The following DYRK1A variants were observed in gnomAD, a reference collection of about 807,000 sequenced individuals.
DYRK1A encodes the protein dual specificity tyrosine-phosphorylation-regulated kinase 1A.
DYRK1A carries 9 observed loss-of-function variants against 79.7 expected under a neutral mutation model. The ratio of observed to expected loss-of-function variants is 0.11; its 90% confidence interval spans 0.07 to 0.20. The LOEUF (loss-of-function observed/expected upper bound fraction) is 0.20. DYRK1A is among the 10% of genes least tolerant of loss of function. The pLI is 1.00. For synonymous variants in DYRK1A, 349 were observed against 329.7 expected, an observed-to-expected ratio of 1.06 and a Z score of -0.63; for missense variants, 622 against 956.0, an observed-to-expected ratio of 0.65 and a Z score of 4.61.
At chr21:37,398,267 T>G (rs2049994515) in intron 1 of DYRK1A, among the ~76,000 whole-genome samples, 1 of 151,418 alleles carries the variant, frequency 6.6e-6, no homozygotes, top group South Asian at 2.1e-4. Context: ...GAGTCCAGTC[T>G]TGAGTCCAGG....
intron 1 of DYRK1A, among the ~76,000 whole-genome samples, chr21:37,406,793 A>G (rs1254491361): frequency 6.8e-6 from 1 of 147,880 alleles, no homozygotes; most frequent in Non-Finnish European, 1.5e-5. Flanking sequence ...ATCTCTATAT[A>G]TGTATATAAT....
upstream of DYRK1A, chr21:37,365,660 G>A (rs937289538): frequency 6.6e-6 from 1 of 152,246 alleles, no homozygotes; most frequent in Non-Finnish European, 1.5e-5. Flanking sequence ...GCGAAAGCCA[G>A]GATATTAATA....
chr21:37,407,638 T>A (rs1602422644), intron 1 of DYRK1A, among the ~76,000 whole-genome samples: 1 of 152,320 alleles, frequency 6.6e-6, no homozygotes, highest in East Asian at 1.9e-4. Context: ...AAATTGAAAA[T>A]CTCTTAGCTC....
chr21:37,365,890 A>G (rs2049292206), upstream of DYRK1A: 2 of 152,174 alleles, frequency 1.3e-5, 1 homozygote, highest in Admixed American at 1.3e-4. Context: ...ACTGCCTGAA[A>G]AAGTTTTCAT....
chr21:37,421,120 CATATTATA>C (rs2050463116), intron 2 of DYRK1A, among the ~76,000 whole-genome samples: 1 of 152,016 alleles, frequency 6.6e-6, no homozygotes, highest in Non-Finnish European at 1.5e-5. Context: ...TTAAATTAGG[CATATTATA>C]AGGCATTTTG....
intron 1 of DYRK1A, among the ~76,000 whole-genome samples, chr21:37,371,760 T>C (rs1326044864): frequency 2.0e-5 from 3 of 152,134 alleles, no homozygotes; most frequent in East Asian, 1.9e-4. Flanking sequence ...TATCTCCCCA[T>C]GTTAGAAAAG....
chr21:37,457,037 C>CTTATTTATTTATTTAT (rs57947572), intron 2 of DYRK1A, among the ~76,000 whole-genome samples: 6 of 59,250 alleles, frequency 1.0e-4, no homozygotes, highest in South Asian at 5.3e-4. Flanking sequence ...TACTTACTTA[C>CTTATTTATTTATTTAT]TTATTTATTT....
At chr21:37,497,861 A>G (rs928383588) in intron 9 of DYRK1A, among the ~76,000 whole-genome samples, 1 of 152,208 alleles carries the variant, frequency 6.6e-6, no homozygotes, top group Non-Finnish European at 1.5e-5. Flanking sequence ...ATACATGTGA[A>G]TTAACTAGAT....
chr21:37,508,137 C>G (rs560892977), intron 11 of DYRK1A, among the ~76,000 whole-genome samples: 1 of 152,156 alleles, frequency 6.6e-6, no homozygotes, highest in African/African-American at 2.4e-5. Flanking sequence ...CATCTTAATA[C>G]GTTTTTATTC....
intron 1 of DYRK1A, among the ~76,000 whole-genome samples, chr21:37,381,116 C>T (rs1409447367): frequency 6.6e-6 from 1 of 152,116 alleles, no homozygotes; most frequent in Non-Finnish European, 1.5e-5. Flanking sequence ...TGGCAGGGTG[C>T]TTGGCACATA....
At chr21:37,491,469 A>G (rs1227193373) in intron 7 of DYRK1A, among the ~76,000 whole-genome samples, 1 of 152,110 alleles carries the variant, frequency 6.6e-6, no homozygotes, top group Non-Finnish European at 1.5e-5. Flanking sequence ...TATTTTTCCA[A>G]ATTAGTGAAA....
chr21:37,520,470 C>T lies in DYRK1A; in HGVS notation c.*7939C>T, dbSNP rs940268708. Reference sequence around the variant, plus strand: ...TGTTGATAATATTAGGTGACTACATCGAGCCTGGGTTCTCTCAGTATTAGC... The same window carrying T: ...TGTTGATAATATTAGGTGACTACATTGAGCCTGGGTTCTCTCAGTATTAGC... On this transcript the variant is annotated 3_prime_UTR_variant, in exon 12 of 12. Transcript: ENST00000647188. 6.6e-6 allele frequency: 1 copy of T among 152,122 alleles called. No individual in the cohort carries two copies. Among genetic ancestry groups the T allele is most frequent in the East Asian group, 1.9e-4 (1 of 5,188 alleles). The allele number at this position is 152,122 out of a possible 1,614,324, so 9.4% of individuals were successfully genotyped here. A position where few individuals can be genotyped will look rare whatever the true frequency, so the allele number is the denominator to read the frequency against.
intron 2 of DYRK1A, among the ~76,000 whole-genome samples, chr21:37,467,365 G>A (rs181969815): frequency 6.6e-6 from 1 of 152,264 alleles, no homozygotes; most frequent in Non-Finnish European, 1.5e-5. Context: ...GAGTAACTGG[G>A]ACCATAGGCA....
intron 1 of DYRK1A, among the ~76,000 whole-genome samples, chr21:37,383,209 G>A (rs1461245577): frequency 6.6e-6 from 1 of 152,226 alleles, no homozygotes; most frequent in African/African-American, 2.4e-5. Flanking sequence ...GGATGGGATA[G>A]CAGCTTATCT....
chr21:37,500,110 C>G (rs1279618933), intron 9 of DYRK1A, among the ~76,000 whole-genome samples: 4 of 152,102 alleles, frequency 2.6e-5, no homozygotes, highest in Admixed American at 1.3e-4. Flanking sequence ...TTTGATAGGG[C>G]TTTGTACTTA....
At chr21:37,480,931 T>C (rs2052617802) in intron 5 of DYRK1A, 105 bp downstream of exon 5, 3 of 871,368 alleles carry the variant, frequency 3.4e-6, no homozygotes, top group South Asian at 1.9e-5. Context: ...TATTTGCAAA[T>C]AGAGCTCAGC....
intron 4 of DYRK1A, among the ~76,000 whole-genome samples, chr21:37,479,006 A>G (rs568659010): frequency 1.3e-5 from 2 of 152,310 alleles, no homozygotes; most frequent in African/African-American, 4.8e-5. Flanking sequence ...AAAGTTAATT[A>G]TTAAAGGAGC....
intron 2 of DYRK1A, among the ~76,000 whole-genome samples, chr21:37,467,106 G>GAAAAAA (rs5843833): frequency 2.3e-5 from 3 of 130,750 alleles, no homozygotes; most frequent in Non-Finnish European, 3.3e-5. Context: ...ATTTACAAAA[G>GAAAAAA]AAAAAAAAAA....
At chr21:37,456,691 G>A (rs1601148925) in intron 2 of DYRK1A, among the ~76,000 whole-genome samples, 1 of 152,140 alleles carries the variant, frequency 6.6e-6, no homozygotes, top group Non-Finnish European at 1.5e-5. Flanking sequence ...AAGGGCGCGG[G>A]CCCACCTACC....
Sources: gnomAD v4.1 joint callset for allele counts (sites outside exome capture counted in the v4.1 genomes callset) on GRCh38, gnomAD v4.1.1 for gene constraint, MANE v1.5 for transcripts, NCBI Gene and HGNC (gene_info 2026-07-23, HGNC 2026-07-21) for gene names.